TLE3: variants seen among roughly 807,000 people sequenced by gnomAD.
TLE3 encodes the protein transducin-like enhancer protein 3.
TLE3 carries 14 observed loss-of-function variants against 93.0 expected under a neutral mutation model. The observed-to-expected ratio is 0.15, with a 90% CI of 0.10 to 0.24. The LOEUF (loss-of-function observed/expected upper bound fraction) is 0.24, where lower values mean the gene tolerates loss of function less well. Ranked by LOEUF, TLE3 falls within the 10% of genes least tolerant of loss-of-function variation. TLE3 has a pLI of 1.00. For missense variants in TLE3, 693 were observed against 1,046.6 expected, an observed-to-expected ratio of 0.66 and a Z score of 4.66; for synonymous variants, 451 against 425.0, an observed-to-expected ratio of 1.06 and a Z score of -0.75.
intron 12 of TLE3, 149 bp from the exon 13 acceptor site, chr15:70,057,807 C>A (rs913223853): frequency 5.2e-6 from 5 of 968,134 alleles, no homozygotes; most frequent in Non-Finnish European, 7.5e-6. Context: ...GGGATCCCTG[C>A]CTTCAGAGCC....
chr15:70,069,251 C>T (rs140479777), intron 6 of TLE3, among the ~76,000 whole-genome samples: 2 of 152,232 alleles, frequency 1.3e-5, no homozygotes, highest in East Asian at 1.9e-4. Flanking sequence ...AGGTGCCAAC[C>T]GCCTCCCAGC....
At position 70,060,659 on chromosome 15, in the gene TLE3, A is replaced by G. The variant is rs1186223375; in HGVS notation, c.595-10T>C. On this transcript the variant is annotated splice_polypyrimidine_tract_variant and intron_variant, in intron 8 of 19. Transcript: ENST00000451782. ...GTGACACAGAGTTATTCTGGAAGGA[A>G]AAAGAGGGTTCGGGGTTAAAACTTT... 1.2e-6 allele frequency: 2 copies of G among 1,613,326 alleles called. No individual in the cohort carries two copies. The highest frequency in any genetic ancestry group is 1.7e-6 in the Non-Finnish European group (2 of 1,179,638).
chr15:70,094,470 GAAGTCCACATATAT>G, intron 4 of TLE3, 48 bp downstream of exon 4: 1 of 1,256,050 alleles, frequency 8.0e-7, no homozygotes, highest in South Asian at 1.4e-5. Flanking sequence ...GAGAACATAA[GAAGTCCACATATAT>G]AAGTTTTTAA....
chr15:70,073,842 A>AACCT (rs2057306851), intron 6 of TLE3, among the ~76,000 whole-genome samples: 1 of 152,264 alleles, frequency 6.6e-6, no homozygotes, highest in Admixed American at 6.5e-5. Context: ...GAAATGCATT[A>AACCT]AAGATACAAG....
intron 4 of TLE3, among the ~76,000 whole-genome samples, chr15:70,089,243 T>C (rs1186337697): frequency 6.6e-6 from 1 of 152,348 alleles, no homozygotes; most frequent in East Asian, 1.9e-4. Context: ...TAAGCTGTTC[T>C]GTGCTGGGTG....
chr15:70,069,032 C>A (rs2056984196), intron 6 of TLE3, among the ~76,000 whole-genome samples: 1 of 152,218 alleles, frequency 6.6e-6, no homozygotes, highest in Admixed American at 6.5e-5. Context: ...GGTGCTCAAT[C>A]TTAGCAAACA....
chr15:70,059,509 C>T (rs772805646), intron 9 of TLE3, 49 bp from the exon 10 acceptor site: 2 of 1,565,422 alleles, frequency 1.3e-6, no homozygotes, highest in South Asian at 1.2e-5. Flanking sequence ...CACACTTTCC[C>T]CACCCCTGAC....
chr15:70,051,053 A>G, intron 19 of TLE3: 1 of 180,320 alleles, frequency 5.5e-6, no homozygotes. Context: ...CCAGGTGCCC[A>G]GCGCACCTCC....
intron 6 of TLE3, among the ~76,000 whole-genome samples, chr15:70,074,074 A>G (rs897338522): frequency 2.6e-5 from 4 of 152,274 alleles, no homozygotes; most frequent in African/African-American, 9.6e-5. Context: ...CAAATTCCAC[A>G]GCACGATGCA....
In TLE3 at chr15:70,097,811, CA is replaced by C. The variant is rs1347353138; in HGVS notation, c.-1014del. 1.3e-3 allele frequency: 315 copies of C among 242,682 alleles called. 1 individual carries two copies. Among genetic ancestry groups the C allele is most frequent in the African/African-American group, 9.3e-3 (96 of 10,324 alleles). The allele number at this position is 242,682 out of a possible 1,614,324, so 15.0% of individuals were successfully genotyped here. On this transcript the variant is annotated 5_prime_UTR_variant, in exon 1 of 20. Transcript: ENST00000451782. ...ACACACGCGCGCACGCACACACACA[CA>C]CACCAAAAAAAAAAGTGCCCCGGAC...
intron 6 of TLE3, 92 bp from the exon 7 acceptor site, chr15:70,066,310 A>T: frequency 8.5e-7 from 1 of 1,171,228 alleles, no homozygotes; most frequent in Non-Finnish European, 1.2e-6. Context: ...GGCTCTTCCC[A>T]TTCCTCTTGC....
chr15:70,073,625 C>A (rs189796300), intron 6 of TLE3, among the ~76,000 whole-genome samples: 1 of 152,208 alleles, frequency 6.6e-6, no homozygotes, highest in Non-Finnish European at 1.5e-5. Flanking sequence ...GTATCTGTAC[C>A]GTCCAGAAGC....
At chr15:70,062,936 G>C (rs1016037063) in intron 8 of TLE3, among the ~76,000 whole-genome samples, 1 of 152,316 alleles carries the variant, frequency 6.6e-6, no homozygotes, top group East Asian at 1.9e-4. Context: ...GGGTTCCCAG[G>C]GGGGGTCTTT....
intron 18 of TLE3, 38 bp downstream of exon 18, chr15:70,052,331 TCCCCA>T (rs769572252): frequency 3.6e-5 from 58 of 1,598,828 alleles, no homozygotes; most frequent in Non-Finnish European, 4.9e-5. Context: ...TGCCCTGGGT[TCCCCA>T]CCCCACTCCA....
chr15:70,059,082 T>C (rs1462493914), intron 10 of TLE3, among the ~76,000 whole-genome samples: 1 of 152,158 alleles, frequency 6.6e-6, no homozygotes, highest in Non-Finnish European at 1.5e-5. Flanking sequence ...GTAGATGCTC[T>C]CCAGCTCCTC....
At chr15:70,096,113 G>C in intron 2 of TLE3, 48 bp downstream of exon 2, 1 of 1,529,598 alleles carries the variant, frequency 6.5e-7, no homozygotes, top group Non-Finnish European at 8.8e-7. Flanking sequence ...GCCGCGCAGG[G>C]GACCCACCCC....
In TLE3 at chr15:70,054,651, A is replaced by T; in HGVS notation, c.1613T>A (p.Leu538His). 6.2e-7 allele frequency: 1 copy of T among 1,605,786 alleles called. No individual in the cohort carries two copies. Among genetic ancestry groups the T allele is most frequent in the Non-Finnish European group, 8.5e-7 (1 of 1,174,264 alleles). Reference protein sequence around the residue: ...RDNYIRSCKLLPDGRTLIVGG... With the variant: ...RDNYIRSCKLHPDGRTLIVGG... ...CACGATGAGCGTGCGCCCATCAGGG[A>T]GCAGCTTGCAGGAGCGGATGTAATT... Residue 538 changes from leucine to histidine, a missense_variant, in exon 16 of 20, where the codon CTC becomes CAC. Leu to His is a moderately conservative substitution (Grantham distance 99). This residue lies in a region of TLE3 where 153 missense variants were observed against 379.9 expected (regional missense o/e 0.40). Coordinates refer to ENST00000451782, the MANE Select transcript of TLE3 (RefSeq NM_001105192.3).
At chr15:70,056,396 C>G in intron 13 of TLE3, 22 bp from the exon 14 acceptor site, 1 of 1,606,442 alleles carries the variant, frequency 6.2e-7, no homozygotes, top group South Asian at 1.1e-5. Context: ...GGCAAGACAG[C>G]CCTCCATCAG....
chr15:70,054,273 A>G, intron 16 of TLE3, 165 bp downstream of exon 16: 2 of 1,002,442 alleles, frequency 2.0e-6, no homozygotes, highest in South Asian at 3.6e-5. Flanking sequence ...TGTCCCTCGC[A>G]TAAGGCAGGC....
Sources: allele counts gnomAD v4.1 joint callset (sites outside exome capture counted in the v4.1 genomes callset), GRCh38; gene constraint gnomAD v4.1.1; regional missense constraint gnomAD v4.1.1; transcripts MANE v1.5; gene names NCBI Gene and HGNC (gene_info 2026-07-23, HGNC 2026-07-21).